The following FER1L5 variants were observed in gnomAD, a reference collection of about 807,000 sequenced individuals.
FER1L5 encodes fer-1-like protein 5.
FER1L5 carries 187 observed loss-of-function variants against 279.9 expected under a neutral mutation model. The ratio of observed to expected loss-of-function variants is 0.67; its 90% CI spans 0.59 to 0.75. FER1L5 has a LOEUF of 0.75. FER1L5 is among the 30% of genes least tolerant of loss of function. The pLI, the probability that FER1L5 is intolerant of heterozygous loss-of-function variation, is 0.00. For missense variants in FER1L5, 2,091 were observed against 2,594.4 expected (o/e 0.81, Z 4.21); for synonymous variants, 921 against 989.7 (o/e 0.93, Z 1.30).
chr2:96,645,273 G>C (rs762817825), intron 1 of FER1L5, among the ~76,000 whole-genome samples: 1 of 152,190 alleles, frequency 6.6e-6, no homozygotes, highest in Admixed American at 6.5e-5. Context: ...GCTCTCCTGG[G>C]TAGCTCCTAC....
Position 96,689,835 on chromosome 2 carries a change from C to G in FER1L5, c.2640+77C>G. On this transcript the variant is annotated intron_variant, in intron 26 of 52. Transcript: ENST00000624922. The surrounding 1 kb of genome is among the most constrained non-coding windows in gnomAD (Gnocchi z 4.6). ...CGGGGCGCCTTGGAAGCTGGGGGTC[C>G]CAGTGGAAAGGGTCTGAGCCCTATG... The G allele has an allele frequency of 7.8e-7, 1 of 1,285,978 alleles. No individual in the cohort carries two copies. Among genetic ancestry groups the G allele is most frequent in the Non-Finnish European group, 1.1e-6 (1 of 939,088 alleles). The allele number at this position is 1,285,978 out of a possible 1,614,324, so 79.7% of individuals were successfully genotyped here.
chr2:96,644,306 G>C (rs1004572411), intron 1 of FER1L5, among the ~76,000 whole-genome samples: 2 of 150,792 alleles, frequency 1.3e-5, no homozygotes, highest in Non-Finnish European at 2.9e-5. Context: ...GTGAAACCCC[G>C]TCTCTACTAA....
At chr2:96,655,923 G>A (rs533802585) in intron 9 of FER1L5, among the ~76,000 whole-genome samples, 1 of 152,004 alleles carries the variant, frequency 6.6e-6, no homozygotes, top group East Asian at 1.9e-4. Context: ...TGTTACCCAG[G>A]CTAGTCTAGA....
chr2:96,651,496 C>T (rs1395202478), intron 6 of FER1L5, among the ~76,000 whole-genome samples: 2 of 105,110 alleles, frequency 1.9e-5, no homozygotes, highest in Admixed American at 1.3e-4. Context: ...TTCTTTCTTT[C>T]TTTCTGTCTT....
chr2:96,657,964 G>A (rs1437679307), intron 9 of FER1L5, among the ~76,000 whole-genome samples: 1 of 151,988 alleles, frequency 6.6e-6, no homozygotes, highest in African/African-American at 2.4e-5. Flanking sequence ...GGGAAAATAT[G>A]TAGAAGCAGA....
At chr2:96,692,021 G>GT (rs2077168707) in intron 30 of FER1L5, 58 bp downstream of exon 30, 7 of 1,305,718 alleles carry the variant, frequency 5.4e-6, no homozygotes, top group Middle Eastern at 2.0e-4. Context: ...CCCGAGGGCG[G>GT]GGGGGGGGGA....
Position 96,694,484 on chromosome 2 carries a change from G to A in FER1L5, c.3741+20G>A, listed in dbSNP as rs1173313512. Reference sequence around the variant, plus strand: ...ATTGAGGTGCTGGCGATGTGGGATGGGGACGGTGGGCAGGACAGGCGGGGG... The same window carrying A: ...ATTGAGGTGCTGGCGATGTGGGATGAGGACGGTGGGCAGGACAGGCGGGGG... On this transcript the variant is annotated intron_variant, in intron 34 of 52. Transcript: ENST00000624922. The surrounding 1 kb of genome is among the most constrained non-coding windows in gnomAD (Gnocchi z 4.6). The A allele has an allele frequency of 6.6e-7, 1 of 1,525,904 alleles. No individual in the cohort carries two copies. Among genetic ancestry groups the A allele is most frequent in the Non-Finnish European group, 8.8e-7 (1 of 1,130,968 alleles). The allele number at this position is 1,525,904 out of a possible 1,614,324, so 94.5% of individuals were successfully genotyped here. A position where few individuals can be genotyped will look rare whatever the true frequency, so the allele number is the denominator to read the frequency against.
chr2:96,659,352 T>TCCTTCCTTTTCC (rs2075773542), intron 9 of FER1L5, among the ~76,000 whole-genome samples: 1 of 73,208 alleles, frequency 1.4e-5, no homozygotes, highest in African/African-American at 5.2e-5. Context: ...CTTCCTTCCT[T>TCCTTCCTTTTCC]CCTTCCTTCC....
At chr2:96,659,781 G>A (rs2075888776) in intron 9 of FER1L5, among the ~76,000 whole-genome samples, 3 of 151,968 alleles carry the variant, frequency 2.0e-5, no homozygotes, top group Non-Finnish European at 4.4e-5. Flanking sequence ...GTGAGCCACT[G>A]CGTCCGGCCA....
rs776029688 is a variant in FER1L5, at chr2:96,702,426, G to A, written c.5255+25G>A. The A allele has an allele frequency of 7.5e-6, 12 of 1,594,550 alleles. No homozygotes were observed. Among genetic ancestry groups the A allele is most frequent in the Non-Finnish European group, 8.5e-6 (10 of 1,170,850 alleles). ...GGTAGGGAAGAGGAGTCAGGCTCCG[G>A]CAGAGCCCCTCAGTTCCCCAGTTCT... On this transcript the variant is annotated intron_variant, in intron 47 of 52. Coordinates refer to ENST00000624922, the MANE Select transcript of FER1L5 (RefSeq NM_001293083.2). The surrounding 1 kb of genome is among the most constrained non-coding windows in gnomAD (Gnocchi z 4.0).
chr2:96,701,437 T>C (rs1404734789), intron 45 of FER1L5, among the ~76,000 whole-genome samples: 1 of 152,228 alleles, frequency 6.6e-6, no homozygotes, highest in African/African-American at 2.4e-5. Context: ...TTGGCAGTTC[T>C]CCCCTTTTCT....
At position 96,704,268 on chromosome 2, in the gene FER1L5, A is replaced by T; in HGVS notation, c.5855A>T (p.Tyr1952Phe). 6.2e-7 allele frequency: 1 copy of T among 1,613,986 alleles called. No individual in the cohort carries two copies. The highest frequency in any genetic ancestry group is 8.5e-7 in the Non-Finnish European group (1 of 1,179,876). The change falls in exon 52 of 53, where the codon TAT (tyrosine) becomes TTT (phenylalanine). Residue 1952 changes from tyrosine (Y) to phenylalanine (F), a missense_variant. Transcript: ENST00000624922. ...WLRSPVQNFCYIFWKRYRFKL... is the reference protein window; with the variant it reads ...WLRSPVQNFCFIFWKRYRFKL... ...CGGTCACCAGTTCAAAACTTCTGCT[A>T]TATTTTCTGGAAACGCTATCGCTTC...
chr2:96,658,190 G>T (rs1000102953), intron 9 of FER1L5, among the ~76,000 whole-genome samples: 1 of 150,432 alleles, frequency 6.6e-6, no homozygotes, highest in Non-Finnish European at 1.5e-5. Context: ...GCTAATTTTC[G>T]TATTTTTAGT....
rs1267716930 is a variant in FER1L5, at chr2:96,702,187, C to A, written c.5160-119C>A. The A allele has an allele frequency of 6.4e-7, 1 of 1,559,194 alleles. No individual in the cohort carries two copies. The highest frequency in any genetic ancestry group is 8.7e-7 in the Non-Finnish European group (1 of 1,152,308). Reference sequence around the variant, plus strand: ...GAAGCTCTACTGGGAGCTTTCTTCCCCTGAATTCCCCACACTGAGCAAAAA... The same window carrying A: ...GAAGCTCTACTGGGAGCTTTCTTCCACTGAATTCCCCACACTGAGCAAAAA... On this transcript the variant is annotated intron_variant, in intron 46 of 52. Coordinates refer to ENST00000624922, the MANE Select transcript of FER1L5 (RefSeq NM_001293083.2). The surrounding 1 kb of genome is among the most constrained non-coding windows in gnomAD (Gnocchi z 4.0).
Position 96,694,354 on chromosome 2 carries a change from C to T in FER1L5, c.3637-6C>T. 1 of 1,545,160 alleles carries T rather than the reference C, an allele frequency of 6.5e-7. No individual in the cohort carries two copies. The highest frequency in any genetic ancestry group is 8.7e-7 in the Non-Finnish European group (1 of 1,143,604). On this transcript the variant is annotated splice_polypyrimidine_tract_variant and splice_region_variant and intron_variant, in intron 33 of 52. Transcript: ENST00000624922. The surrounding 1 kb of genome is among the most constrained non-coding windows in gnomAD (Gnocchi z 4.6). ...AGAGGGCCTCATGCTCCCTGCCCTC[C>T]CCCAGAAGCTTGGAGAGAAGCAGCT... is the stretch of plus-strand genomic sequence containing the variant.
In FER1L5 at chr2:96,686,330, A is replaced by G; in HGVS notation, c.2209A>G (p.Ile737Val). 6.4e-7 allele frequency: 1 copy of G among 1,551,300 alleles called. No homozygotes were observed. The highest frequency in any genetic ancestry group is 8.7e-7 in the Non-Finnish European group (1 of 1,146,910). Residue 737 changes from isoleucine (I) to valine (V), a missense_variant, in exon 23 of 53, where the codon ATA becomes GTA. Ile to Val is a conservative substitution (Grantham distance 29, BLOSUM62 3). Transcript: ENST00000624922. ...GCACTCCGGCAGGCTCTGTGGGAAG[A>G]TACAGACACTCTTCCTACAGGTGGG... The part of the protein sequence containing the change: ...ALHSGRLCGK[I>V]QTLFLQYPEG...
rs1558853573 is a variant in FER1L5, at chr2:96,659,358, C to CTTTCTTTCTTTCT, written c.748-981_748-980insTCTTTCTTTCTTT. On this transcript the variant is annotated intron_variant, in intron 9 of 52. Coordinates refer to ENST00000624922, the MANE Select transcript of FER1L5 (RefSeq NM_001293083.2). ...CCTTCCTTCCTTCCTTCCTTCCTTC[C>CTTTCTTTCTTTCT]TTCCTTCTTTCTTTCTTTCTTTCTT... Among the ~76,000 whole-genome samples, 8 of 60,604 alleles carry CTTTCTTTCTTTCT rather than the reference C, an allele frequency of 1.3e-4. No homozygotes were observed. The East Asian group carries it at 6.0e-3, about 45-fold the overall frequency. 39.8% of individuals were successfully genotyped at this position (60,604 alleles called of 152,430 possible).
intron 1 of FER1L5, among the ~76,000 whole-genome samples, chr2:96,645,837 G>T (rs1487106764): frequency 6.6e-6 from 1 of 151,730 alleles, no homozygotes; most frequent in African/African-American, 2.4e-5. Context: ...GAGAAACAAA[G>T]AAAGAAAATG....
chr2:96,701,570 C>G (rs2077587064), intron 45 of FER1L5, among the ~76,000 whole-genome samples: 1 of 152,022 alleles, frequency 6.6e-6, no homozygotes, highest in African/African-American at 2.4e-5. Flanking sequence ...ATCTAGTTTC[C>G]TCATACTCGA....
Sources: gnomAD v4.1 joint callset for allele counts (sites outside exome capture counted in the v4.1 genomes callset) on GRCh38, gnomAD v4.1.1 for gene constraint, Gnocchi (gnomAD v3.1) non-coding constraint, MANE v1.5 for transcripts, NCBI Gene and HGNC (gene_info 2026-07-23, HGNC 2026-07-21) for gene names.